SEMA3D: variants seen among roughly 807,000 people sequenced by gnomAD.
SEMA3D encodes semaphorin-3D.
In SEMA3D, 84 loss-of-function variants were observed where a neutral mutation model predicts 100.1. That is an observed-to-expected ratio of 0.84 (90% CI 0.70 to 1.01). The LOEUF is 1.01. Ranked by LOEUF, SEMA3D falls within the 50% of genes least tolerant of loss-of-function variation. SEMA3D has a pLI of 0.00. For synonymous variants in SEMA3D, 312 were observed against 320.7 expected (o/e 0.97, Z 0.29); for missense variants, 875 against 934.1 (o/e 0.94, Z 0.82).
intron 2 of SEMA3D, 49 bp from the exon 3 acceptor site, chr7:85,121,980 C>A (rs562537260): frequency 3.2e-6 from 3 of 950,884 alleles, no homozygotes; most frequent in Admixed American, 3.3e-5. Context: ...AGCAAACTGA[C>A]ACAGGAAGAG....
the SEMA3D span, among the ~76,000 whole-genome samples, chr7:85,193,904 C>T: frequency 6.8e-6 from 1 of 147,806 alleles, no homozygotes; most frequent in East Asian, 2.0e-4. Flanking sequence ...TTTAAAGAGA[C>T]AGAGCAAGCA....
chr7:85,166,240 T>C (rs1790901739), intron 1 of SEMA3D, among the ~76,000 whole-genome samples: 2 of 152,064 alleles, frequency 1.3e-5, no homozygotes, highest in Non-Finnish European at 2.9e-5. Context: ...CTACACGATG[T>C]TGATCTTACC....
At chr7:85,227,651 A>G in the SEMA3D span, among the ~76,000 whole-genome samples, 1 of 152,166 alleles carries the variant, frequency 6.6e-6, no homozygotes, top group Non-Finnish European at 1.5e-5. Context: ...TGCATGACAA[A>G]TATATAAAAT....
chr7:85,008,284 G>T (rs1267528104), intron 17 of SEMA3D, among the ~76,000 whole-genome samples: 1 of 151,774 alleles, frequency 6.6e-6, no homozygotes, highest in African/African-American at 2.4e-5. Flanking sequence ...CTTAACCAAA[G>T]AATTGGTCAA....
At chr7:85,155,916 C>T (rs573759108) in intron 1 of SEMA3D, among the ~76,000 whole-genome samples, 188 of 152,148 alleles carry the variant, frequency 1.2e-3, no homozygotes, top group Non-Finnish European at 2.1e-3. Context: ...ACACAATTCC[C>T]TTTATTTTAG....
At chr7:85,126,412 T>TGTGTC (rs1789572495) in intron 2 of SEMA3D, among the ~76,000 whole-genome samples, 1 of 145,706 alleles carries the variant, frequency 6.9e-6, no homozygotes, top group African/African-American at 2.6e-5. Flanking sequence ...GTCGTGTGTG[T>TGTGTC]GTGTGTGTGT....
chr7:85,245,565 C>T, the SEMA3D span, among the ~76,000 whole-genome samples: 2 of 152,110 alleles, frequency 1.3e-5, no homozygotes, highest in Admixed American at 6.6e-5. Context: ...TTTTTATACC[C>T]TTTGGTTTCC....
At chr7:85,159,809 A>G in intron 1 of SEMA3D, 1 of 982,234 alleles carries the variant, frequency 1.0e-6, no homozygotes, top group East Asian at 1.1e-4. Context: ...ATCTAATACC[A>G]GTGCATACTC....
chr7:85,086,507 T>C (rs539035824), intron 4 of SEMA3D, among the ~76,000 whole-genome samples: 12 of 151,952 alleles, frequency 7.9e-5, no homozygotes, highest in Admixed American at 2.6e-4. Context: ...GTGTTATATG[T>C]ATATATATAT....
chr7:85,190,262 T>C (rs1791667108), upstream of SEMA3D, among the ~76,000 whole-genome samples: 1 of 152,000 alleles, frequency 6.6e-6, no homozygotes, highest in African/African-American at 2.4e-5. Context: ...ACAAGAAAAA[T>C]TGTGTTAAAA....
At chr7:85,147,096 T>TCTTTTC (rs34233748) in intron 2 of SEMA3D, among the ~76,000 whole-genome samples, 1 of 109,462 alleles carries the variant, frequency 9.1e-6, no homozygotes, top group African/African-American at 4.3e-5. Context: ...TCTTTTCTTT[T>TCTTTTC]TTTTTTTTTT....
chr7:85,057,866 GGTT>G (rs1442047902), intron 8 of SEMA3D, among the ~76,000 whole-genome samples: 1 of 151,168 alleles, frequency 6.6e-6, no homozygotes, highest in Non-Finnish European at 1.5e-5. Flanking sequence ...AGAAGGCAGA[GGTT>G]GTAGAGAGCC....
chr7:85,065,400 A>T (rs1210380667), intron 8 of SEMA3D, 24 bp downstream of exon 8: 1 of 1,609,996 alleles, frequency 6.2e-7, no homozygotes, highest in Non-Finnish European at 8.5e-7. Context: ...GACAATCAAA[A>T]GTAAACAAAA....
In SEMA3D at chr7:85,119,327, C is replaced by T. The variant is rs147508221; in HGVS notation, c.151+2414G>A. Among the ~76,000 whole-genome samples, 469 of 152,246 alleles carry T rather than the reference C, an allele frequency of 3.1e-3. 2 individuals are homozygous for T. The highest frequency in any genetic ancestry group is 0.01 in the African/African-American group (431 of 41,552). The stretch of plus-strand genomic sequence containing the variant: ...GACACATGCATTTGTATGTTCATTG[C>T]AGCACTATTCACATTAGCAAAGACA... On this transcript the variant is annotated intron_variant, in intron 3 of 18. Transcript: ENST00000284136.
chr7:84,999,359 T>A lies in SEMA3D; in HGVS notation c.*81A>T. The A allele has an allele frequency of 9.3e-7, 1 of 1,079,224 alleles. No individual in the cohort carries two copies. Among genetic ancestry groups the A allele is most frequent in the South Asian group, 1.5e-5 (1 of 65,408 alleles). The allele number at this position is 1,079,224 out of a possible 1,614,324, so 66.9% of individuals were successfully genotyped here. A position where few individuals can be genotyped will look rare whatever the true frequency, so the allele number is the denominator to read the frequency against. ...AGCAAAACTCCATGGGAAGCATTTA[T>A]GAATTACTATAAGGGATATACAAAA... On this transcript the variant is annotated 3_prime_UTR_variant, in exon 19 of 19. Transcript: ENST00000284136.
intron 2 of SEMA3D, among the ~76,000 whole-genome samples, chr7:85,146,707 C>T (rs1790215810): frequency 6.6e-6 from 1 of 151,952 alleles, no homozygotes; most frequent in African/African-American, 2.4e-5. Context: ...AAATAAGACA[C>T]AAGCACCAGT....
intron 1 of SEMA3D, among the ~76,000 whole-genome samples, chr7:85,168,006 T>C (rs1043493004): frequency 6.6e-6 from 1 of 151,914 alleles, no homozygotes; most frequent in Non-Finnish European, 1.5e-5. Flanking sequence ...GGGTACTCTA[T>C]ACTGTTCCCA....
At chr7:85,209,717 C>T in the SEMA3D span, among the ~76,000 whole-genome samples, 1 of 152,070 alleles carries the variant, frequency 6.6e-6, no homozygotes, top group Non-Finnish European at 1.5e-5. Flanking sequence ...TCAAGCTGTC[C>T]AGTGCAATAC....
intron 2 of SEMA3D, among the ~76,000 whole-genome samples, chr7:85,143,879 T>C (rs1356812979): frequency 6.6e-6 from 1 of 151,780 alleles, no homozygotes; most frequent in Non-Finnish European, 1.5e-5. Context: ...CCTGGCGAAT[T>C]TTTGTATTTT....
Sources: gnomAD v4.1 joint callset for allele counts (sites outside exome capture counted in the v4.1 genomes callset) on GRCh38, gnomAD v4.1.1 for gene constraint, MANE v1.5 for transcripts, NCBI Gene and HGNC (gene_info 2026-07-23, HGNC 2026-07-21) for gene names.